The following CD8B2 variants were observed in gnomAD, a reference collection of about 807,000 sequenced individuals.
The protein encoded by CD8B2 is CD8B family member 2, also known as T-cell surface glycoprotein CD8 beta-2 chain.
A neutral mutation model predicts 23.7 loss-of-function variants in CD8B2; 11 were observed. The observed-to-expected ratio is 0.46, with a 90% confidence interval of 0.29 to 0.77. The LOEUF is 0.77. Among genes scored for constraint, CD8B2 ranks in the 30% least tolerant of loss-of-function variants. The pLI, the probability that CD8B2 is intolerant of heterozygous loss-of-function variation, is 0.09. For missense variants in CD8B2, 197 were observed against 270.5 expected (o/e 0.73, Z 1.91); for synonymous variants, 90 against 109.3 (o/e 0.82, Z 1.10).
intron 5 of CD8B2, among the ~76,000 whole-genome samples, chr2:106,516,948 T>C (rs1196411969): frequency 1.4e-5 from 2 of 148,122 alleles, no homozygotes; most frequent in African/African-American, 4.9e-5. Flanking sequence ...ATATATAACA[T>C]GTACTTATAT....
chr2:106,515,680 C>T (rs1283875243), downstream of CD8B2, among the ~76,000 whole-genome samples: 1 of 152,118 alleles, frequency 6.6e-6, no homozygotes, highest in Non-Finnish European at 1.5e-5. Context: ...GTTATAGTGA[C>T]CCAAACAGAC....
At chr2:106,540,292 G>A (rs1053852809) in intron 5 of CD8B2, among the ~76,000 whole-genome samples, 6 of 152,188 alleles carry the variant, frequency 3.9e-5, no homozygotes, top group African/African-American at 4.8e-5. Context: ...TGAGAAATTC[G>A]TATTTTCATT....
chr2:106,505,503 G>C (rs941410319), intron 5 of CD8B2, among the ~76,000 whole-genome samples: 18 of 152,150 alleles, frequency 1.2e-4, no homozygotes, highest in African/African-American at 4.3e-4. Context: ...TATCCTTAAA[G>C]CATGTGGCCC....
intron 5 of CD8B2, among the ~76,000 whole-genome samples, chr2:106,540,403 CA>C (rs1680154097): frequency 2.6e-5 from 4 of 152,234 alleles, no homozygotes; most frequent in African/African-American, 9.6e-5. Context: ...AATCTCAAAA[CA>C]GATAAAAATA....
chr2:106,532,677 T>C (rs890329483), intron 5 of CD8B2, among the ~76,000 whole-genome samples: 1 of 152,162 alleles, frequency 6.6e-6, no homozygotes, highest in Non-Finnish European at 1.5e-5. Context: ...TTAGACCATA[T>C]AGGGTAACTT....
chr2:106,495,114 A>T (rs1204734791), intron 2 of CD8B2, among the ~76,000 whole-genome samples: 1 of 151,914 alleles, frequency 6.6e-6, no homozygotes, highest in African/African-American at 2.4e-5. Context: ...TTTTGGACAC[A>T]CTGTCCCTTT....
intron 3 of CD8B2, among the ~76,000 whole-genome samples, chr2:106,496,673 C>T (rs1573331117): frequency 6.6e-6 from 1 of 151,934 alleles, no homozygotes; most frequent in Admixed American, 6.6e-5. Flanking sequence ...AATCCATATA[C>T]TATATGATTC....
chr2:106,506,771 C>G (rs899857340), intron 5 of CD8B2, among the ~76,000 whole-genome samples, 157 bp from the exon 6 acceptor site: 4 of 151,980 alleles, frequency 2.6e-5, no homozygotes, highest in African/African-American at 9.7e-5. Context: ...TTTTTAATGA[C>G]TAAGATGGGC....
intron 5 of CD8B2, among the ~76,000 whole-genome samples, chr2:106,518,388 C>A (rs1679770353): frequency 6.6e-6 from 1 of 152,042 alleles, no homozygotes; most frequent in Non-Finnish European, 1.5e-5. Context: ...AGAGAAGGAG[C>A]AATAGCTCAG....
At chr2:106,542,584 G>C (rs1202385044) in intron 5 of CD8B2, among the ~76,000 whole-genome samples, 1 of 149,696 alleles carries the variant, frequency 6.7e-6, no homozygotes, top group Non-Finnish European at 1.5e-5. Context: ...AGACCAGAAG[G>C]ATGTAAAGAA....
chr2:106,525,822 C>T (rs1347593733), intron 5 of CD8B2, among the ~76,000 whole-genome samples: 1 of 152,146 alleles, frequency 6.6e-6, no homozygotes, highest in Non-Finnish European at 1.5e-5. Flanking sequence ...CCTCCTTTTT[C>T]CATCCCAGTG....
At chr2:106,511,733 C>T (rs1679635223), downstream of CD8B2, among the ~76,000 whole-genome samples, 1 of 152,184 alleles carries the variant, frequency 6.6e-6, no homozygotes, top group African/African-American at 2.4e-5. Flanking sequence ...GATATTTCCT[C>T]TGTCGCTTCT....
chr2:106,526,244 CAAA>C (rs34580273), intron 5 of CD8B2, among the ~76,000 whole-genome samples: 259 of 124,814 alleles, frequency 2.1e-3, no homozygotes, highest in African/African-American at 7.0e-3. Flanking sequence ...GACTCCATCT[CAAA>C]AAAAAAAAAA....
intron 5 of CD8B2, among the ~76,000 whole-genome samples, chr2:106,516,399 T>TA (rs1355933187): frequency 6.6e-6 from 1 of 152,206 alleles, no homozygotes; most frequent in Non-Finnish European, 1.5e-5. Flanking sequence ...GCTGACCCGA[T>TA]ACCTTCTTTC....
At chr2:106,506,150 A>G (rs1301199692) in intron 5 of CD8B2, among the ~76,000 whole-genome samples, 2 of 151,980 alleles carry the variant, frequency 1.3e-5, no homozygotes, top group African/African-American at 2.4e-5. Flanking sequence ...AAAAAAAAAG[A>G]AAGTTCCGTT....
At chr2:106,516,475 A>G (rs1359196853) in intron 5 of CD8B2, among the ~76,000 whole-genome samples, 2 of 152,206 alleles carry the variant, frequency 1.3e-5, no homozygotes, top group South Asian at 2.1e-4. Flanking sequence ...CCGGTTTTAT[A>G]GCAGTATGTG....
intron 5 of CD8B2, among the ~76,000 whole-genome samples, chr2:106,531,012 C>T (rs923043951): frequency 6.6e-6 from 1 of 152,228 alleles, no homozygotes; most frequent in African/African-American, 2.4e-5. Context: ...GCCCTCGGGG[C>T]TGCACTGTCT....
chr2:106,494,453 ATTTCT>A (rs772359931), intron 2 of CD8B2, among the ~76,000 whole-genome samples: 5 of 149,164 alleles, frequency 3.4e-5, no homozygotes, highest in South Asian at 2.1e-4. Context: ...CAGCCTTAAT[ATTTCT>A]TTTCTTTTCT....
chr2:106,541,404 C>G (rs1328036444), intron 5 of CD8B2, among the ~76,000 whole-genome samples: 1 of 152,046 alleles, frequency 6.6e-6, no homozygotes, highest in African/African-American at 2.4e-5. Flanking sequence ...AGTTTTGCAC[C>G]CCAGGGCACA....
Sources: allele counts gnomAD v4.1 joint callset (sites outside exome capture counted in the v4.1 genomes callset), GRCh38; gene constraint gnomAD v4.1.1; transcripts MANE v1.5; gene names NCBI Gene and HGNC (gene_info 2026-07-23, HGNC 2026-07-21).